FAM185A: variants seen among roughly 807,000 people sequenced by gnomAD.
FAM185A encodes family with sequence similarity 185 member A.
In FAM185A, 21 loss-of-function variants were observed where a neutral mutation model predicts 45.7. The observed-to-expected ratio is 0.46, with a 90% CI of 0.33 to 0.66. The LOEUF (loss-of-function observed/expected upper bound fraction) is 0.66. Ranked by LOEUF, FAM185A falls within the 30% of genes least tolerant of loss-of-function variation. The probability of loss-of-function intolerance (pLI) is 0.03; values close to 1 mark genes in which losing one functional copy is unlikely to be tolerated. For synonymous variants in FAM185A, 117 were observed against 194.0 expected (o/e 0.60, Z 3.30); for missense variants, 305 against 485.4 (o/e 0.63, Z 3.49).
At chr7:102,827,238 G>A in the FAM185A span, 1 of 424,136 alleles carries the variant, frequency 2.4e-6, no homozygotes, top group African/African-American at 2.0e-5. Flanking sequence ...GAAGCAGGAG[G>A]AAGCTGTCCC....
intron 7 of FAM185A, among the ~76,000 whole-genome samples, chr7:102,799,750 G>A (rs183876884): frequency 6.6e-6 from 1 of 152,242 alleles, no homozygotes; most frequent in East Asian, 1.9e-4. Flanking sequence ...TTGTTTGTAG[G>A]GACCAAGCAA....
At chr7:102,848,491 G>A in the FAM185A span, among the ~76,000 whole-genome samples, 4 of 52,404 alleles carry the variant, frequency 7.6e-5, no homozygotes, top group African/African-American at 3.5e-4. Flanking sequence ...AAGAGGCGGA[G>A]CTTGCAGTGA....
chr7:102,843,405 T>C, the FAM185A span, among the ~76,000 whole-genome samples: 1 of 151,894 alleles, frequency 6.6e-6, no homozygotes, highest in African/African-American at 2.4e-5. Context: ...ATCGCACCAC[T>C]CCAGACTGGG....
At chr7:102,843,922 G>A in the FAM185A span, among the ~76,000 whole-genome samples, 1 of 152,166 alleles carries the variant, frequency 6.6e-6, no homozygotes, top group Non-Finnish European at 1.5e-5. Context: ...TACTCCATAA[G>A]CCGAAGTCAG....
rs1214387662 is a variant in FAM185A at position 102,749,966 on chromosome 7, T to C, written c.451+308T>C. The stretch of plus-strand genomic sequence containing the variant: ...CCGTTGTCATTAGCAAACTGGCTTA[T>C]TTTTCAAGGTTGAAGTTTCTTGACA... On this transcript the variant is annotated intron_variant, in intron 1 of 7. Transcript: ENST00000413034. Among the ~76,000 whole-genome samples, 4 of 152,328 alleles carry C rather than the reference T, an allele frequency of 2.6e-5. No individual in the cohort carries two copies. The East Asian group carries it at 7.7e-4, about 29-fold the overall frequency.
At chr7:102,813,353 G>C (rs1228230818), downstream of FAM185A, 1 of 1,608,108 alleles carries the variant, frequency 6.2e-7, no homozygotes, top group Non-Finnish European at 8.5e-7. Flanking sequence ...CACGCTGCTT[G>C]GTCTTCACTG....
At chr7:102,810,369 A>G (rs1245928631), downstream of FAM185A, among the ~76,000 whole-genome samples, 1 of 151,798 alleles carries the variant, frequency 6.6e-6, no homozygotes, top group Non-Finnish European at 1.5e-5. Context: ...AGTAGCTAGC[A>G]TTACAGGTGC....
intron 1 of FAM185A, among the ~76,000 whole-genome samples, 189 bp downstream of exon 1, chr7:102,749,847 C>A: frequency 6.6e-6 from 1 of 152,148 alleles, no homozygotes; most frequent in Non-Finnish European, 1.5e-5. Context: ...AATTAGGTTC[C>A]CAATTATAGA....
At chr7:102,779,850 CTTTTTTTTTTTTTTTTTTT>C (rs10537618) in intron 6 of FAM185A, 2 of 34,202 alleles carry the variant, frequency 5.8e-5, no homozygotes, top group Non-Finnish European at 9.9e-5. Flanking sequence ...CCACACCCAG[CTTTTTTTTTTTTTTTTTTT>C]TTTTTTTTTT....
At chr7:102,761,600 C>T (rs1322352822) in intron 4 of FAM185A, among the ~76,000 whole-genome samples, 189 bp downstream of exon 4, 2 of 150,140 alleles carry the variant, frequency 1.3e-5, no homozygotes, top group Non-Finnish European at 3.0e-5. Flanking sequence ...TTTATTTGTG[C>T]AAGAGATTAA....
chr7:102,835,571 A>AATTTTTAT, the FAM185A span, among the ~76,000 whole-genome samples: 1 of 150,876 alleles, frequency 6.6e-6, no homozygotes, highest in Non-Finnish European at 1.5e-5. Flanking sequence ...ATAATACAAG[A>AATTTTTAT]ATTTTTATGT....
intron 6 of FAM185A, among the ~76,000 whole-genome samples, chr7:102,779,361 G>C (rs1390678265): frequency 6.6e-6 from 1 of 152,018 alleles, no homozygotes; most frequent in Middle Eastern, 3.2e-3. Context: ...TAAAGATATG[G>C]AGGGAGATGG....
At chr7:102,763,552 G>A (rs1424706193) in intron 4 of FAM185A, among the ~76,000 whole-genome samples, 4 of 152,212 alleles carry the variant, frequency 2.6e-5, no homozygotes, top group African/African-American at 9.6e-5. Context: ...CTGAAGCTGG[G>A]ATGGTCCCTC....
the FAM185A span, among the ~76,000 whole-genome samples, chr7:102,849,762 G>A: frequency 6.6e-6 from 1 of 152,134 alleles, no homozygotes; most frequent in African/African-American, 2.4e-5. Context: ...ATTACCACAT[G>A]CCCAGAAGTA....
chr7:102,826,770 T>TAC, the FAM185A span, among the ~76,000 whole-genome samples: 34 of 98,978 alleles, frequency 3.4e-4, 1 homozygote, highest in African/African-American at 1.3e-3. Context: ...TATATATATA[T>TAC]ATGTATATAT....
chr7:102,842,147 G>A, the FAM185A span, among the ~76,000 whole-genome samples: 4 of 152,164 alleles, frequency 2.6e-5, no homozygotes, highest in South Asian at 4.1e-4. Flanking sequence ...ATGTCCGGAC[G>A]TTCCACCTCC....
chr7:102,809,695 C>G (rs1797325162), downstream of FAM185A, among the ~76,000 whole-genome samples: 1 of 152,036 alleles, frequency 6.6e-6, no homozygotes, highest in Non-Finnish European at 1.5e-5. Flanking sequence ...GAGTGAAACT[C>G]CGTCTCAAAA....
At chr7:102,836,626 G>A in the FAM185A span, among the ~76,000 whole-genome samples, 1 of 152,178 alleles carries the variant, frequency 6.6e-6, no homozygotes, top group Non-Finnish European at 1.5e-5. Flanking sequence ...CCATGTATCA[G>A]CCAATTTTGC....
chr7:102,845,354 C>T, the FAM185A span, among the ~76,000 whole-genome samples: 1 of 152,148 alleles, frequency 6.6e-6, no homozygotes. Flanking sequence ...ATACCTATTA[C>T]CCCTATTGCT....
Sources: gnomAD v4.1 joint callset for allele counts (sites outside exome capture counted in the v4.1 genomes callset) on GRCh38, gnomAD v4.1.1 for gene constraint, MANE v1.5 for transcripts, NCBI Gene and HGNC (gene_info 2026-07-23, HGNC 2026-07-21) for gene names.